Variants in ZNF713 observed in about 807,000 individuals in gnomAD.
The protein encoded by ZNF713 is zinc finger protein 713.
ZNF713 carries 21 observed loss-of-function variants against 28.7 expected under a neutral mutation model. The ratio of observed to expected loss-of-function variants is 0.73; its 90% CI spans 0.52 to 1.05. The LOEUF (loss-of-function observed/expected upper bound fraction) is 1.05. ZNF713 is among the 50% of genes least tolerant of loss of function. The probability of loss-of-function intolerance (pLI) is 0.00; values close to 1 mark genes in which losing one functional copy is unlikely to be tolerated. For synonymous variants in ZNF713, 167 were observed against 178.0 expected (o/e 0.94, Z 0.49); for missense variants, 458 against 532.4 (o/e 0.86, Z 1.37).
intron 6 of ZNF713, among the ~76,000 whole-genome samples, chr7:55,931,733 G>A (rs1368557789): frequency 2.0e-5 from 3 of 152,144 alleles, no homozygotes; most frequent in Non-Finnish European, 4.4e-5. Flanking sequence ...CTGAGCAGGG[G>A]AAACATCTGC....
chr7:55,912,596 T>C, intron 3 of ZNF713, 39 bp from the exon 4 acceptor site: 1 of 1,445,406 alleles, frequency 6.9e-7, no homozygotes, highest in Non-Finnish European at 9.6e-7. Context: ...AATTTAACCT[T>C]CGTGTCATAT....
intron 1 of ZNF713, among the ~76,000 whole-genome samples, chr7:55,904,082 G>GCCAGACTGTATCTTAAAAAAAA: frequency 7.9e-6 from 1 of 126,654 alleles, no homozygotes; most frequent in African/African-American, 2.8e-5. Context: ...AGGAAAAAGA[G>GCCAGACTGTATCTTAAAAAAAA]ACTAGATCAC....
At chr7:55,910,393 A>G (rs952025083) in intron 2 of ZNF713, among the ~76,000 whole-genome samples, 2 of 152,118 alleles carry the variant, frequency 1.3e-5, no homozygotes, top group Admixed American at 6.5e-5. Context: ...AATGCTTTCA[A>G]CTTTTCCCCA....
rs779021713 is a variant in ZNF713 at position 55,941,622 on chromosome 7, G to A, written c.*1616G>A. 11 of 151,570 alleles carry A rather than the reference G, an allele frequency of 7.3e-5. No homozygotes were observed. The highest frequency in any genetic ancestry group is 1.6e-4 in the Non-Finnish European group (11 of 67,936). 9.4% of individuals were successfully genotyped at this position (151,570 alleles called of 1,614,324 possible). ...TATTTACTTAATATTCTTTATAAAGGGATGCAAGATTTTTAGCCTTCTCCT... is the reference window on the plus strand; with the variant it reads ...TATTTACTTAATATTCTTTATAAAGAGATGCAAGATTTTTAGCCTTCTCCT... On this transcript the variant is annotated 3_prime_UTR_variant, in exon 7 of 7. Transcript: ENST00000429591.
In ZNF713 at chr7:55,939,554, AGATTCAGCCAGAG is replaced by A; in HGVS notation, c.884_896del (p.Phe295TyrfsTer35). The A allele has an allele frequency of 5.6e-6, 9 of 1,613,480 alleles. No individual in the cohort carries two copies. The highest frequency in any genetic ancestry group is 7.6e-6 in the Non-Finnish European group (9 of 1,179,842). The stretch of plus-strand genomic sequence containing the variant: ...CTATAAGTGTGATGAATGTGGAAAA[AGATTCAGCCAGAG>A]GATACATCTCATTCAACATCAGAGA... On this transcript the variant is annotated frameshift_variant, in exon 7 of 7. Transcript: ENST00000429591. LOFTEE classifies it high-confidence loss of function.
At chr7:55,897,311 C>T (rs1310708778) in intron 1 of ZNF713, among the ~76,000 whole-genome samples, 2 of 150,772 alleles carry the variant, frequency 1.3e-5, no homozygotes, top group African/African-American at 2.4e-5. Context: ...AGTGCAGTGG[C>T]GTGATCATGG....
At chr7:55,908,533 A>G (rs1785727635) in intron 2 of ZNF713, among the ~76,000 whole-genome samples, 1 of 151,126 alleles carries the variant, frequency 6.6e-6, no homozygotes, top group African/African-American at 2.4e-5. Context: ...TTCACTGTTG[A>G]TGAATGATGT....
intron 4 of ZNF713, among the ~76,000 whole-genome samples, 165 bp from the exon 5 acceptor site, chr7:55,922,997 A>G (rs1786021470): frequency 6.6e-6 from 1 of 152,192 alleles, no homozygotes; most frequent in Non-Finnish European, 1.5e-5. Flanking sequence ...AGATGATAGA[A>G]AGGTACTAAT....
At chr7:55,916,223 A>G (rs1303790854) in intron 4 of ZNF713, among the ~76,000 whole-genome samples, 2 of 152,230 alleles carry the variant, frequency 1.3e-5, no homozygotes, top group African/African-American at 4.8e-5. Flanking sequence ...AAACAGTCCT[A>G]TAGAATCTGG....
At chr7:55,907,195 T>C (rs1348243987) in intron 2 of ZNF713, among the ~76,000 whole-genome samples, 1 of 152,190 alleles carries the variant, frequency 6.6e-6, no homozygotes, top group African/African-American at 2.4e-5. Context: ...TTGGCCTTTT[T>C]GAAAGCTTTT....
intron 6 of ZNF713, among the ~76,000 whole-genome samples, chr7:55,934,240 C>A (rs933153089): frequency 6.6e-6 from 1 of 151,964 alleles, no homozygotes; most frequent in East Asian, 1.9e-4. Flanking sequence ...GGTTCTCGCT[C>A]CAGAAAAAAA....
intron 1 of ZNF713, among the ~76,000 whole-genome samples, chr7:55,899,892 C>G (rs1023471549): frequency 2.0e-5 from 3 of 151,656 alleles, no homozygotes; most frequent in African/African-American, 7.3e-5. Context: ...CAGACATGCC[C>G]CACACCACAC....
In ZNF713 at chr7:55,932,817, G is replaced by A. The variant is rs540915153; in HGVS notation, c.308-6165G>A. 1.8e-3 allele frequency among the ~76,000 whole-genome samples: 249 copies of A among 139,544 alleles called. 2 individuals are homozygous for A. Among genetic ancestry groups the A allele is most frequent in the African/African-American group, 6.3e-3 (234 of 37,386 alleles). 91.5% of individuals were successfully genotyped at this position (139,544 alleles called of 152,430 possible). ...GAGAATGGCGTGAACCCGGGAAGCG[G>A]AGCTTGCAGTGAGCCGAGATTGCGC... On this transcript the variant is annotated intron_variant, in intron 6 of 6. Coordinates refer to ENST00000429591, the MANE Select transcript of ZNF713 (RefSeq NM_182633.3).
chr7:55,906,752 T>TG (rs2116201205), intron 2 of ZNF713, among the ~76,000 whole-genome samples: 1 of 152,322 alleles, frequency 6.6e-6, no homozygotes, highest in African/African-American at 2.4e-5. Context: ...ATGACACTTA[T>TG]GGGGCGTCCT....
At chr7:55,896,622 TAA>T (rs1785478890) in intron 1 of ZNF713, among the ~76,000 whole-genome samples, 1 of 149,632 alleles carries the variant, frequency 6.7e-6, no homozygotes, top group Non-Finnish European at 1.5e-5. Flanking sequence ...TACACACACA[TAA>T]ACACACATAA....
intron 1 of ZNF713, among the ~76,000 whole-genome samples, chr7:55,905,734 G>A (rs1341809724): frequency 6.6e-6 from 1 of 152,038 alleles, no homozygotes; most frequent in Non-Finnish European, 1.5e-5. Flanking sequence ...ATAATGTATA[G>A]CCAATCAATA....
chr7:55,909,473 A>T (rs894173274), intron 2 of ZNF713, among the ~76,000 whole-genome samples: 1 of 152,164 alleles, frequency 6.6e-6, no homozygotes, highest in South Asian at 2.1e-4. Context: ...ACATAATGTG[A>T]TGCCTCCAGC....
intron 6 of ZNF713, among the ~76,000 whole-genome samples, chr7:55,931,216 T>A (rs1374865564): frequency 6.6e-6 from 1 of 151,412 alleles, no homozygotes; most frequent in Non-Finnish European, 1.5e-5. Flanking sequence ...AACCTGGGAG[T>A]TGGAGGTTGC....
chr7:55,913,977 G>C (rs1048067896), intron 4 of ZNF713, among the ~76,000 whole-genome samples: 14 of 151,964 alleles, frequency 9.2e-5, no homozygotes, highest in African/African-American at 3.4e-4. Context: ...CAGGCGTGGT[G>C]GCAGGTTCCT....
Sources: gnomAD v4.1 joint callset for allele counts (sites outside exome capture counted in the v4.1 genomes callset) on GRCh38, gnomAD v4.1.1 for gene constraint, MANE v1.5 for transcripts, NCBI Gene and HGNC (gene_info 2026-07-23, HGNC 2026-07-21) for gene names.